The following ADAMTS3 variants were observed in gnomAD, a reference collection of about 807,000 sequenced individuals.
ADAMTS3 encodes A disintegrin and metalloproteinase with thrombospondin motifs 3.
Under a neutral mutation model 129.0 loss-of-function variants are expected in ADAMTS3, and 73 were observed. The ratio of observed to expected loss-of-function variants is 0.57; its 90% CI spans 0.47 to 0.69. The LOEUF (loss-of-function observed/expected upper bound fraction) is 0.69. ADAMTS3 is among the 30% of genes least tolerant of loss of function. The pLI is 0.00. For synonymous variants in ADAMTS3, 477 were observed against 510.8 expected (o/e 0.93, Z 0.89); for missense variants, 1,457 against 1,514.5 (o/e 0.96, Z 0.63).
intron 3 of ADAMTS3, among the ~76,000 whole-genome samples, chr4:72,423,548 TTC>T (rs1236111200): frequency 1.3e-5 from 2 of 152,150 alleles, no homozygotes; most frequent in Non-Finnish European, 2.9e-5. Flanking sequence ...AGATTTTTTT[TTC>T]TTTTTTTTCT....
chr4:72,353,066 T>C (rs951189845), intron 4 of ADAMTS3, among the ~76,000 whole-genome samples: 3 of 151,570 alleles, frequency 2.0e-5, no homozygotes, highest in Admixed American at 1.3e-4. Context: ...ATAAATTAAG[T>C]GGTCATTCTG....
intron 4 of ADAMTS3, among the ~76,000 whole-genome samples, chr4:72,351,992 A>G (rs1720451447): frequency 1.3e-5 from 2 of 150,034 alleles, no homozygotes; most frequent in South Asian, 4.2e-4. Context: ...AGCAGTATGA[A>G]ACAGCTCACT....
intron 3 of ADAMTS3, among the ~76,000 whole-genome samples, chr4:72,436,477 A>G (rs553776332): frequency 8.5e-5 from 13 of 152,230 alleles, no homozygotes; most frequent in African/African-American, 3.1e-4. Context: ...AACTAGAAAT[A>G]CCATTTGACC....
intron 4 of ADAMTS3, among the ~76,000 whole-genome samples, chr4:72,354,271 A>G (rs1309129270): frequency 6.6e-6 from 1 of 151,626 alleles, no homozygotes; most frequent in Non-Finnish European, 1.5e-5. Context: ...ATTCCTCCCA[A>G]CCCCTCTCCA....
At chr4:72,463,779 C>A (rs1447990133) in intron 3 of ADAMTS3, among the ~76,000 whole-genome samples, 1 of 148,636 alleles carries the variant, frequency 6.7e-6, no homozygotes, top group Non-Finnish European at 1.5e-5. Flanking sequence ...CTACTTCTTT[C>A]TTTATTTTTT....
rs559709669 is a variant in ADAMTS3, at chr4:72,558,209, A to T, written c.97+9165T>A. On this transcript the variant is annotated intron_variant, in intron 2 of 21. Coordinates refer to ENST00000286657, the MANE Select transcript of ADAMTS3 (RefSeq NM_014243.3). Reference sequence around the variant, plus strand: ...CCAAATCTAAAATAGCCTGGCTCATACTTTTGTCAAAAAGTAGGAGAAACT... The same window carrying T: ...CCAAATCTAAAATAGCCTGGCTCATTCTTTTGTCAAAAAGTAGGAGAAACT... Among the ~76,000 whole-genome samples, 229 of 152,020 alleles carry T rather than the reference A, an allele frequency of 1.5e-3. 8 individuals are homozygous for T. The highest frequency in any genetic ancestry group is 5.2e-3 in the African/African-American group (214 of 41,268).
At chr4:72,371,227 A>G (rs879431509) in intron 4 of ADAMTS3, among the ~76,000 whole-genome samples, 2 of 152,180 alleles carry the variant, frequency 1.3e-5, no homozygotes, top group Non-Finnish European at 2.9e-5. Flanking sequence ...TTAGTCACAT[A>G]GTTGGTGGTA....
At chr4:72,414,695 T>C in intron 4 of ADAMTS3, 120 bp downstream of exon 4, 5 of 750,818 alleles carry the variant, frequency 6.7e-6, no homozygotes, top group Non-Finnish European at 7.6e-6. Flanking sequence ...GTAAACTTCT[T>C]TTTCTATCTC....
chr4:72,344,110 T>A (rs1720210888), intron 4 of ADAMTS3, among the ~76,000 whole-genome samples: 1 of 152,092 alleles, frequency 6.6e-6, no homozygotes, highest in Non-Finnish European at 1.5e-5. Context: ...AGGTGTTCAA[T>A]CAAGTCAAAA....
At chr4:72,470,376 T>TATATATATATATATAC (rs557625827) in intron 3 of ADAMTS3, among the ~76,000 whole-genome samples, 3 of 137,964 alleles carry the variant, frequency 2.2e-5, no homozygotes, top group African/African-American at 5.3e-5. Context: ...TATATATATA[T>TATATATATATATATAC]ACACACACAC....
chr4:72,385,036 G>A (rs919509359), intron 4 of ADAMTS3, among the ~76,000 whole-genome samples: 48 of 151,966 alleles, frequency 3.2e-4, no homozygotes, highest in Non-Finnish European at 5.1e-4. Context: ...AAAATTAGCC[G>A]GGATTGGTGG....
At chr4:72,345,519 TG>T (rs1173228976) in intron 4 of ADAMTS3, among the ~76,000 whole-genome samples, 1 of 152,138 alleles carries the variant, frequency 6.6e-6, no homozygotes, top group Non-Finnish European at 1.5e-5. Flanking sequence ...AATGTTTCCG[TG>T]AAAAGGAGCT....
chr4:72,389,800 G>GTCAA (rs561392461), intron 4 of ADAMTS3, among the ~76,000 whole-genome samples: 1 of 152,138 alleles, frequency 6.6e-6, no homozygotes, highest in Non-Finnish European at 1.5e-5. Flanking sequence ...CCATCAACCA[G>GTCAA]TCAATCAATC....
rs145192398 is a variant in ADAMTS3 at position 72,461,418 on chromosome 4, A to G, written c.505-46447T>C. On this transcript the variant is annotated intron_variant, in intron 3 of 21. Transcript: ENST00000286657. ...GTAATGTGTCAAACACCCTCCTTAA[A>G]CATTTTTTTCTTTAGTGGACTGTAG... 1.2e-4 allele frequency among the ~76,000 whole-genome samples: 18 copies of G among 151,762 alleles called. No individual in the cohort carries two copies. The East Asian group carries it at 3.5e-3, about 30-fold the overall frequency.
Position 72,305,677 on chromosome 4 carries a change from C to G in ADAMTS3, c.2260+310G>C, listed in dbSNP as rs566355084. Reference sequence around the variant, plus strand: ...GGGAGAAATGACCAAAAAAAACCTACATAACATTCAATTAATGCATTTATA... The same window carrying G: ...GGGAGAAATGACCAAAAAAAACCTAGATAACATTCAATTAATGCATTTATA... On this transcript the variant is annotated intron_variant, in intron 16 of 21. Coordinates refer to ENST00000286657, the MANE Select transcript of ADAMTS3 (RefSeq NM_014243.3). Among the ~76,000 whole-genome samples, 77 of 152,056 alleles carry G rather than the reference C, an allele frequency of 5.1e-4. 2 individuals are homozygous for G. In the South Asian group the frequency reaches 0.016, roughly 32 times the overall value.
intron 3 of ADAMTS3, among the ~76,000 whole-genome samples, chr4:72,528,582 T>C (rs1476790340): frequency 6.8e-6 from 1 of 147,246 alleles, no homozygotes; most frequent in African/African-American, 2.5e-5. Context: ...TGAAAGTAGA[T>C]GAGATGGAAA....
intron 3 of ADAMTS3, among the ~76,000 whole-genome samples, chr4:72,514,749 A>G (rs1419619741): frequency 6.6e-6 from 1 of 152,198 alleles, no homozygotes; most frequent in Non-Finnish European, 1.5e-5. Flanking sequence ...GGGTAAAACT[A>G]AAATAAAATT....
intron 3 of ADAMTS3, among the ~76,000 whole-genome samples, chr4:72,468,447 T>C (rs1718977205): frequency 6.6e-6 from 1 of 152,074 alleles, no homozygotes; most frequent in African/African-American, 2.4e-5. Context: ...ACAGTTTTGT[T>C]CTTCTTAAAA....
rs368868980 is a variant in ADAMTS3, at chr4:72,568,819, A to AC, written c.-58dup. On this transcript the variant is annotated 5_prime_UTR_variant, in exon 1 of 22. Coordinates refer to ENST00000286657, the MANE Select transcript of ADAMTS3 (RefSeq NM_014243.3). ...CAAAGCAAATGCCCAGAGCAAACCC[A>AC]CCCCCCCCGCCCAAAATAAGTTTCT... The AC allele has an allele frequency of 0.021, 10,215 of 494,070 alleles. 74 individuals carry two copies. Among genetic ancestry groups the AC allele is most frequent in the South Asian group, 0.026 (859 of 33,476 alleles). The allele number at this position is 494,070 out of a possible 1,614,324, so 30.6% of individuals were successfully genotyped here.
Sources: allele counts gnomAD v4.1 joint callset (sites outside exome capture counted in the v4.1 genomes callset), GRCh38; gene constraint gnomAD v4.1.1; transcripts MANE v1.5; gene names NCBI Gene and HGNC (gene_info 2026-07-23, HGNC 2026-07-21).